Variants in PCTP observed in about 807,000 individuals in gnomAD.
The protein encoded by PCTP is START domain-containing protein 2.
A neutral mutation model predicts 31.0 loss-of-function variants in PCTP; 27 were observed. The ratio of observed to expected loss-of-function variants is 0.87; its 90% CI spans 0.64 to 1.20. PCTP has a LOEUF of 1.20. Ranked by LOEUF, PCTP falls within the 50% of genes most tolerant of loss-of-function variation. The pLI, the probability that PCTP is intolerant of heterozygous loss-of-function variation, is 0.00. For missense variants in PCTP, 287 were observed against 268.2 expected (o/e 1.07, Z -0.49); for synonymous variants, 108 against 101.2 (o/e 1.07, Z -0.40).
chr17:55,835,488 T>C (rs946206761), intron 5 of PCTP, among the ~76,000 whole-genome samples: 4 of 152,250 alleles, frequency 2.6e-5, no homozygotes, highest in African/African-American at 9.6e-5. Context: ...TCTTCTGGCC[T>C]CATCATTCTT....
chr17:55,819,565 A>G (rs2145060965), intron 3 of PCTP, among the ~76,000 whole-genome samples: 1 of 152,208 alleles, frequency 6.6e-6, no homozygotes, highest in Admixed American at 6.5e-5. Flanking sequence ...AGCCTAGGAA[A>G]TATAGGGAAT....
the PCTP span, among the ~76,000 whole-genome samples, chr17:55,851,315 G>A: frequency 6.6e-6 from 1 of 152,252 alleles, no homozygotes; most frequent in Admixed American, 6.5e-5. Flanking sequence ...ACATTTCACA[G>A]ACAGTTTCAG....
Position 55,774,792 on chromosome 17 carries a change from T to C in PCTP, c.512T>C (p.Val171Ala). ...AATTGTCCTTTCTTTCCCTCTCTAG[T>C]TTTCATGTATTACTTCGATAACCCG... ...IESDGKKGSK[V>A]FMYYFDNPGG... The change falls in exon 5 of 6, where the codon GTT (valine) becomes GCT (alanine). Residue 171 changes from valine to alanine, a missense_variant and splice_region_variant. Transcript: ENST00000268896. 1 of 1,597,452 alleles carries C rather than the reference T, an allele frequency of 6.3e-7. No individual in the cohort carries two copies. Among genetic ancestry groups the C allele is most frequent in the Non-Finnish European group, 8.6e-7 (1 of 1,168,910 alleles).
rs140631999 is a variant in PCTP, at chr17:55,794,262, T to A, written c.317+6608T>A. 1.6e-3 allele frequency among the ~76,000 whole-genome samples: 243 copies of A among 152,078 alleles called. 2 individuals carry two copies. In the East Asian group the frequency reaches 0.034, roughly 21 times the overall value. ...CTATATACATGATATGGTGGTTTTA[T>A]GTTATTTAAATGAAATCATACTCTA... is the stretch of plus-strand genomic sequence containing the variant. On this transcript the variant is annotated intron_variant, in intron 3 of 3. Transcript: ENST00000572536.
intron 3 of PCTP, among the ~76,000 whole-genome samples, chr17:55,792,542 A>G (rs1912035785): frequency 6.6e-6 from 1 of 152,116 alleles, no homozygotes; most frequent in South Asian, 2.1e-4. Flanking sequence ...GCCAGAAAAA[A>G]GAACTTTTTA....
chr17:55,802,560 T>C (rs1912422062), intron 3 of PCTP, among the ~76,000 whole-genome samples: 1 of 152,180 alleles, frequency 6.6e-6, no homozygotes, highest in Non-Finnish European at 1.5e-5. Context: ...GCAAGGCTGG[T>C]TCAACATATG....
chr17:55,817,766 T>C (rs1912972263), intron 3 of PCTP, among the ~76,000 whole-genome samples: 1 of 152,234 alleles, frequency 6.6e-6, no homozygotes, highest in South Asian at 2.1e-4. Flanking sequence ...ATGTCGCACC[T>C]TTTAATCTAT....
At chr17:55,762,110 A>C (rs1052954328) in intron 1 of PCTP, among the ~76,000 whole-genome samples, 1 of 152,122 alleles carries the variant, frequency 6.6e-6, no homozygotes, top group Non-Finnish European at 1.5e-5. Context: ...TGTGGGATGA[A>C]AGGATGGCAT....
chr17:55,837,928 G>T (rs1222897845), intron 5 of PCTP, among the ~76,000 whole-genome samples: 1 of 152,072 alleles, frequency 6.6e-6, no homozygotes, highest in Non-Finnish European at 1.5e-5. Context: ...CTTGAGGCCA[G>T]GAGTTTGAGA....
intron 5 of PCTP, among the ~76,000 whole-genome samples, chr17:55,839,722 C>A (rs955002454): frequency 7.3e-5 from 11 of 151,450 alleles, no homozygotes; most frequent in African/African-American, 2.2e-4. Flanking sequence ...AGATCGAGAC[C>A]ATCCCGGCTA....
downstream of PCTP, among the ~76,000 whole-genome samples, chr17:55,845,085 C>CAAAA (rs891404386): frequency 9.7e-3 from 315 of 32,514 alleles, 37 homozygotes; most frequent in South Asian, 0.023. Context: ...AAAACTCCAT[C>CAAAA]AAAAAAAAAA....
At chr17:55,760,401 C>T (rs751551194) in intron 1 of PCTP, among the ~76,000 whole-genome samples, 2 of 152,174 alleles carry the variant, frequency 1.3e-5, no homozygotes, top group Non-Finnish European at 2.9e-5. Context: ...ATGTGCACCA[C>T]ATAATAGAAC....
At chr17:55,844,623 G>A (rs1456464637), downstream of PCTP, among the ~76,000 whole-genome samples, 1 of 151,968 alleles carries the variant, frequency 6.6e-6, no homozygotes, top group Non-Finnish European at 1.5e-5. Flanking sequence ...TATCATTTAG[G>A]TTCTCCCTGA....
chr17:55,836,352 G>C (rs913104191), intron 5 of PCTP, among the ~76,000 whole-genome samples: 1 of 152,148 alleles, frequency 6.6e-6, no homozygotes, highest in Non-Finnish European at 1.5e-5. Flanking sequence ...AACTAAAAAA[G>C]AGTGGTTTAG....
the PCTP span, among the ~76,000 whole-genome samples, chr17:55,850,333 A>T: frequency 6.6e-6 from 1 of 152,234 alleles, no homozygotes; most frequent in Non-Finnish European, 1.5e-5. Context: ...AAAAGATTAT[A>T]CAAATACCTA....
intron 3 of PCTP, among the ~76,000 whole-genome samples, chr17:55,794,491 A>G (rs1912117118): frequency 6.6e-6 from 1 of 151,906 alleles, no homozygotes; most frequent in African/African-American, 2.4e-5. Context: ...TAATTCTATA[A>G]GAATTCTCCT....
intron 5 of PCTP, among the ~76,000 whole-genome samples, chr17:55,836,626 CTA>C (rs1273533141): frequency 6.6e-6 from 1 of 152,196 alleles, no homozygotes; most frequent in Middle Eastern, 3.2e-3. Flanking sequence ...CTTCCCGGGC[CTA>C]GGGCTAAACT....
rs2144893194 is a variant in PCTP, at chr17:55,751,384, G to T, written c.141+140G>T. On this transcript the variant is annotated intron_variant, in intron 1 of 5. Transcript: ENST00000268896. ...CAGGAAGGAGCTCCGCCCGGACCCTGTCTCAAGCTCTGGAGCTAGCGCAGG... is the reference window on the plus strand; with the variant it reads ...CAGGAAGGAGCTCCGCCCGGACCCTTTCTCAAGCTCTGGAGCTAGCGCAGG... The T allele has an allele frequency of 2.6e-6, 4 of 1,533,616 alleles. No homozygotes were observed. The South Asian group carries it at 4.8e-5, about 18-fold the overall frequency.
intron 3 of PCTP, among the ~76,000 whole-genome samples, chr17:55,809,342 A>C (rs1912675397): frequency 6.6e-6 from 1 of 152,116 alleles, no homozygotes; most frequent in African/African-American, 2.4e-5. Context: ...CTCTCTGTAT[A>C]CTATACCCCT....
Sources: gnomAD v4.1 joint callset for allele counts (sites outside exome capture counted in the v4.1 genomes callset) on GRCh38, gnomAD v4.1.1 for gene constraint, MANE v1.5 for transcripts, NCBI Gene and HGNC (gene_info 2026-07-23, HGNC 2026-07-21) for gene names.